The following TSPAN9 variants were observed in gnomAD, a reference collection of about 807,000 sequenced individuals.
TSPAN9 encodes the protein tetraspanin-9.
Under a neutral mutation model 31.0 loss-of-function variants are expected in TSPAN9, and 16 were observed. That is an observed-to-expected ratio of 0.52 (90% CI 0.35 to 0.78). TSPAN9 has a LOEUF of 0.78. Among genes scored for constraint, TSPAN9 ranks in the 30% least tolerant of loss-of-function variants. TSPAN9 has a pLI of 0.01. For synonymous variants in TSPAN9, 145 were observed against 121.6 expected (o/e 1.19, Z -1.27); for missense variants, 272 against 312.5 (o/e 0.87, Z 0.98).
At chr12:3,089,151 G>C (rs2098302500) in intron 2 of TSPAN9, among the ~76,000 whole-genome samples, 1 of 150,870 alleles carries the variant, frequency 6.6e-6, no homozygotes, top group African/African-American at 2.4e-5. Context: ...AGAATGGCAT[G>C]AACCTGGGAG....
At chr12:3,123,574 C>T (rs2153966428) in intron 2 of TSPAN9, among the ~76,000 whole-genome samples, 1 of 151,812 alleles carries the variant, frequency 6.6e-6, no homozygotes, top group East Asian at 1.9e-4. Flanking sequence ...TCATTAATCT[C>T]CTCCAGTGTG....
chr12:3,159,528 G>A (rs1485204564), intron 2 of TSPAN9, among the ~76,000 whole-genome samples: 1 of 152,150 alleles, frequency 6.6e-6, no homozygotes, highest in Admixed American at 6.5e-5. Flanking sequence ...GTTAAATGAG[G>A]TCACCAGGGC....
chr12:3,222,344 G>A (rs2098385038), intron 3 of TSPAN9, among the ~76,000 whole-genome samples: 1 of 152,206 alleles, frequency 6.6e-6, no homozygotes, highest in Non-Finnish European at 1.5e-5. Context: ...GAGTCAGGAA[G>A]CAGATGCTGG....
chr12:3,228,446 T>C (rs1195495520), intron 3 of TSPAN9, among the ~76,000 whole-genome samples: 2 of 152,084 alleles, frequency 1.3e-5, no homozygotes, highest in African/African-American at 4.8e-5. Context: ...ATCTCAGAGG[T>C]GTTGGGGGAC....
At chr12:3,180,249 G>T (rs1160658450) in intron 2 of TSPAN9, among the ~76,000 whole-genome samples, 1 of 152,152 alleles carries the variant, frequency 6.6e-6, no homozygotes, top group East Asian at 1.9e-4. Flanking sequence ...CGGCACAGTG[G>T]CTCACACTTG....
chr12:3,189,999 C>T (rs1308082878), intron 2 of TSPAN9, among the ~76,000 whole-genome samples: 1 of 152,198 alleles, frequency 6.6e-6, no homozygotes, highest in Non-Finnish European at 1.5e-5. Context: ...GCACAGGCTC[C>T]CTCCCATGAG....
At chr12:3,114,842 CAAAA>C (rs34841785) in intron 2 of TSPAN9, among the ~76,000 whole-genome samples, 5 of 73,770 alleles carry the variant, frequency 6.8e-5, no homozygotes, top group Admixed American at 1.6e-4. Context: ...GGCTCCATCT[CAAAA>C]AAAAAAAAAA....
At chr12:3,249,288 A>G (rs1266735585) in intron 3 of TSPAN9, among the ~76,000 whole-genome samples, 1 of 152,136 alleles carries the variant, frequency 6.6e-6, no homozygotes. Context: ...TGTTCCAACC[A>G]GTCACACATG....
chr12:3,169,440 C>A (rs144195724), intron 2 of TSPAN9, among the ~76,000 whole-genome samples: 2 of 152,320 alleles, frequency 1.3e-5, no homozygotes, highest in East Asian at 1.9e-4. Flanking sequence ...TGGGAAAAGT[C>A]CTTTATCCCC....
At chr12:3,094,861 TTTTTTTTTG>T (rs775358310) in intron 2 of TSPAN9, among the ~76,000 whole-genome samples, 11,129 of 132,166 alleles carry the variant, frequency 0.084, 517 homozygotes, top group Non-Finnish European at 0.13. Context: ...TTTTTTTTTT[TTTTTTTTTG>T]TTTTTAAATT....
intron 3 of TSPAN9, 96 bp from the exon 4 acceptor site, chr12:3,278,323 CTG>C (rs1392098494): frequency 5.3e-6 from 8 of 1,501,312 alleles, no homozygotes; most frequent in Admixed American, 2.0e-5. Flanking sequence ...CTCACTTTGT[CTG>C]TGTCTCAGAG....
intron 2 of TSPAN9, among the ~76,000 whole-genome samples, chr12:3,089,828 C>T (rs995567089): frequency 1.3e-5 from 2 of 152,054 alleles, no homozygotes; most frequent in African/African-American, 4.8e-5. Context: ...GTTGCCTGAT[C>T]CCAGGAGTTT....
intron 2 of TSPAN9, among the ~76,000 whole-genome samples, chr12:3,157,731 CGT>C (rs1423242315): frequency 6.6e-6 from 1 of 152,166 alleles, no homozygotes; most frequent in Non-Finnish European, 1.5e-5. Context: ...CCTTGTAGGC[CGT>C]GTTCTTCCAT....
At position 3,143,930 on chromosome 12, in the gene TSPAN9, C is replaced by T. The variant is rs1165172333; in HGVS notation, c.-17-57247C>T. Among the ~76,000 whole-genome samples, 2 of 152,168 alleles carry T rather than the reference C, an allele frequency of 1.3e-5. No individual in the cohort carries two copies. The highest frequency in any genetic ancestry group is 4.1e-4 in the South Asian group (2 of 4,822). On this transcript the variant is annotated intron_variant, in intron 2 of 8. Coordinates refer to ENST00000011898, the MANE Select transcript of TSPAN9 (RefSeq NM_006675.5). This position sits in a 1 kb window ranked among gnomAD's most constrained non-coding sequence, Gnocchi z 4.2. ...CCAAGATCTAGGTGCTAGGTGCGTT[C>T]ATTGCTACTGGGGTGTCATTGCTTC...
Position 3,243,568 on chromosome 12 carries a change from G to A in TSPAN9, c.64-34853G>A, listed in dbSNP as rs2098397752. Among the ~76,000 whole-genome samples, 4 of 152,294 alleles carry A rather than the reference G, an allele frequency of 2.6e-5. No homozygotes were observed. The South Asian group carries it at 8.3e-4, about 32-fold the overall frequency. On this transcript the variant is annotated intron_variant, in intron 3 of 8. Coordinates refer to ENST00000011898, the MANE Select transcript of TSPAN9 (RefSeq NM_006675.5). ...ATAGGGCTGTTGGCTAAGCAGCTTAGGGCACAGCCAGATCACGGCACAGGA... is the reference window on the plus strand; with the variant it reads ...ATAGGGCTGTTGGCTAAGCAGCTTAAGGCACAGCCAGATCACGGCACAGGA...
At chr12:3,269,190 C>CCAGCCTGCCCTCTCTGTGTTCCTG (rs1565639983) in intron 3 of TSPAN9, among the ~76,000 whole-genome samples, 11 of 88,146 alleles carry the variant, frequency 1.2e-4, no homozygotes, top group Non-Finnish European at 2.7e-4. Context: ...CTGTGTTTTT[C>CCAGCCTGCCCTCTCTGTGTTCCTG]CAGCCTGCCC....
chr12:3,102,794 T>C (rs933069493), intron 2 of TSPAN9, among the ~76,000 whole-genome samples: 1 of 152,134 alleles, frequency 6.6e-6, no homozygotes, highest in African/African-American at 2.4e-5. Flanking sequence ...CAGTAAATAA[T>C]AACATGTTGC....
At chr12:3,186,671 C>T (rs2098361590) in intron 2 of TSPAN9, among the ~76,000 whole-genome samples, 1 of 152,070 alleles carries the variant, frequency 6.6e-6, no homozygotes, top group African/African-American at 2.4e-5. Flanking sequence ...CATGGTCTCA[C>T]TTAAGAGACA....
rs1365173743 is a variant in TSPAN9, at chr12:3,079,944, A to ATTT, written c.-85+2491_-85+2492insTTT. On this transcript the variant is annotated intron_variant, in intron 1 of 8. Coordinates refer to ENST00000011898, the MANE Select transcript of TSPAN9 (RefSeq NM_006675.5). The stretch of plus-strand genomic sequence containing the variant: ...GGCCCCATGCTCAGATAATTAAAAA[A>ATTT]ATTTTTTTTTTTTTTTTGGTAGAGA... Among the ~76,000 whole-genome samples the ATTT allele has an allele frequency of 7.2e-3, 944 of 130,216 alleles. 6 individuals are homozygous for ATTT. The highest frequency in any genetic ancestry group is 0.016 in the Middle Eastern group (4 of 246). The allele number at this position is 130,216 out of a possible 152,430, so 85.4% of individuals were successfully genotyped here.
Sources: gnomAD v4.1 joint callset for allele counts (sites outside exome capture counted in the v4.1 genomes callset) on GRCh38, gnomAD v4.1.1 for gene constraint, Gnocchi (gnomAD v3.1) non-coding constraint, MANE v1.5 for transcripts, NCBI Gene and HGNC (gene_info 2026-07-23, HGNC 2026-07-21) for gene names.